Variants in TENM3 observed in about 807,000 individuals in gnomAD.
The protein encoded by TENM3 is teneurin transmembrane protein 3, also known as teneurin-3.
Under a neutral mutation model 255.1 loss-of-function variants are expected in TENM3, and 63 were observed. The observed-to-expected ratio is 0.25, with a 90% CI of 0.20 to 0.30. The LOEUF (loss-of-function observed/expected upper bound fraction) is 0.30. Among genes scored for constraint, TENM3 ranks in the 10% least tolerant of loss-of-function variants. The pLI is 1.00. For missense variants in TENM3, 2,929 were observed against 3,461.1 expected (o/e 0.85, Z 3.86); for synonymous variants, 1,306 against 1,322.3 (o/e 0.99, Z 0.27).
intron 1 of TENM3, among the ~76,000 whole-genome samples, chr4:182,318,843 C>A (rs955076695): frequency 6.6e-6 from 1 of 152,190 alleles, no homozygotes; most frequent in Non-Finnish European, 1.5e-5. Context: ...TCATGGCTCG[C>A]TCTGTCCTTG....
chr4:181,836,527 T>C, the TENM3 span, among the ~76,000 whole-genome samples: 1 of 152,242 alleles, frequency 6.6e-6, no homozygotes, highest in African/African-American at 2.4e-5. Context: ...CATGGTATCA[T>C]TTATTAAAAG....
the TENM3 span, among the ~76,000 whole-genome samples, chr4:181,697,363 A>G: frequency 1.3e-5 from 2 of 151,830 alleles, no homozygotes; most frequent in Admixed American, 6.6e-5. Context: ...TGTTTCTTCC[A>G]TTTCCTGGTG....
At chr4:182,167,720 A>T (rs2149678227) in intron 1 of TENM3, among the ~76,000 whole-genome samples, 1 of 152,214 alleles carries the variant, frequency 6.6e-6, no homozygotes, top group Middle Eastern at 3.4e-3. Flanking sequence ...AAAATACAAA[A>T]AAAACATTAG....
intron 2 of TENM3, among the ~76,000 whole-genome samples, chr4:182,330,841 G>A (rs1763702674): frequency 6.6e-6 from 1 of 152,212 alleles, no homozygotes; most frequent in Non-Finnish European, 1.5e-5. Flanking sequence ...AACCTTAACA[G>A]AAGGCTGGAA....
chr4:182,601,246 G>A (rs1005403754), intron 4 of TENM3, 85 bp downstream of exon 4: 1 of 1,087,426 alleles, frequency 9.2e-7, no homozygotes, highest in Non-Finnish European at 1.4e-6. Context: ...CTGGTGTGGT[G>A]TTTTGGGGTT....
chr4:182,390,131 G>A (rs1768324092), intron 3 of TENM3, among the ~76,000 whole-genome samples: 1 of 152,172 alleles, frequency 6.6e-6, no homozygotes, highest in African/African-American at 2.4e-5. Flanking sequence ...GCAGGAAGGG[G>A]ATCCCGGGTG....
At chr4:181,974,091 G>T in the TENM3 span, among the ~76,000 whole-genome samples, 1 of 152,204 alleles carries the variant, frequency 6.6e-6, no homozygotes, top group Admixed American at 6.5e-5. Context: ...ACAGACCAGT[G>T]GGGAGCCACT....
At chr4:181,907,195 C>T in the TENM3 span, among the ~76,000 whole-genome samples, 2 of 152,300 alleles carry the variant, frequency 1.3e-5, no homozygotes, top group South Asian at 2.1e-4. Flanking sequence ...AGGTATTTCT[C>T]TGTCATTAAA....
At chr4:181,587,867 C>G in the TENM3 span, among the ~76,000 whole-genome samples, 5 of 152,202 alleles carry the variant, frequency 3.3e-5, no homozygotes, top group East Asian at 9.7e-4. Flanking sequence ...CTATTTGAAC[C>G]CTTGCATTCT....
At chr4:182,361,588 T>C (rs1036500608) in intron 3 of TENM3, among the ~76,000 whole-genome samples, 3 of 152,056 alleles carry the variant, frequency 2.0e-5, no homozygotes, top group African/African-American at 7.2e-5. Context: ...TTTAAGCACT[T>C]CTCTGTATTG....
the TENM3 span, among the ~76,000 whole-genome samples, chr4:181,592,354 AATCAAG>A: frequency 2.1e-5 from 3 of 142,764 alleles, no homozygotes; most frequent in African/African-American, 7.7e-5. Context: ...TTTTTTTTTA[AATCAAG>A]ATGACTAAGT....
intron 3 of TENM3, among the ~76,000 whole-genome samples, chr4:182,416,441 C>T (rs566865260): frequency 6.6e-6 from 1 of 151,528 alleles, no homozygotes; most frequent in Non-Finnish European, 1.5e-5. Context: ...AAAAAAGAAA[C>T]CTTTAATAGA....
At chr4:182,089,576 T>A in the TENM3 span, among the ~76,000 whole-genome samples, 2 of 152,164 alleles carry the variant, frequency 1.3e-5, no homozygotes, top group Non-Finnish European at 2.9e-5. Context: ...ATTGATTTTT[T>A]AAAAAAACCA....
the TENM3 span, among the ~76,000 whole-genome samples, chr4:182,122,217 T>C: frequency 6.6e-6 from 1 of 152,174 alleles, no homozygotes; most frequent in Non-Finnish European, 1.5e-5. Flanking sequence ...CTCAAAGTCA[T>C]CCATGAGGGT....
chr4:181,641,350 C>T, the TENM3 span, among the ~76,000 whole-genome samples: 3 of 151,284 alleles, frequency 2.0e-5, no homozygotes, highest in Non-Finnish European at 2.9e-5. Flanking sequence ...CCACCCCCGG[C>T]AGGGCCCGGT....
the TENM3 span, among the ~76,000 whole-genome samples, chr4:181,944,830 C>G: frequency 2.6e-5 from 4 of 152,156 alleles, no homozygotes; most frequent in East Asian, 7.9e-4. Context: ...TCATTGCCAC[C>G]ACACCCCTGC....
the TENM3 span, among the ~76,000 whole-genome samples, chr4:181,962,014 A>G: frequency 6.6e-6 from 1 of 152,360 alleles, no homozygotes; most frequent in Non-Finnish European, 1.5e-5. Context: ...GGAGGCAAGG[A>G]AGAAAGGAAG....
At chr4:181,716,173 A>G in the TENM3 span, among the ~76,000 whole-genome samples, 2 of 152,250 alleles carry the variant, frequency 1.3e-5, no homozygotes, top group Non-Finnish European at 2.9e-5. Context: ...GACCAGAGCT[A>G]TCATTAGAAA....
chr4:182,549,382 G>T (rs781222078), intron 3 of TENM3, among the ~76,000 whole-genome samples: 14 of 152,198 alleles, frequency 9.2e-5, no homozygotes, highest in Non-Finnish European at 1.5e-4. Flanking sequence ...ACTCTAGGAT[G>T]AAGTCTATAA....
Sources: gnomAD v4.1 joint callset for allele counts (sites outside exome capture counted in the v4.1 genomes callset) on GRCh38, gnomAD v4.1.1 for gene constraint, MANE v1.5 for transcripts, NCBI Gene and HGNC (gene_info 2026-07-23, HGNC 2026-07-21) for gene names.